DAPK2: variants seen among roughly 807,000 people sequenced by gnomAD.
The protein encoded by DAPK2 is death-associated protein kinase 2.
A neutral mutation model predicts 44.1 loss-of-function variants in DAPK2; 35 were observed. The observed-to-expected ratio is 0.79, with a 90% CI of 0.61 to 1.05. DAPK2 has a LOEUF of 1.05. DAPK2 is among the 50% of genes least tolerant of loss of function. The pLI, the probability that DAPK2 is intolerant of heterozygous loss-of-function variation, is 0.00. For missense variants in DAPK2, 453 were observed against 483.2 expected (o/e 0.94, Z 0.59); for synonymous variants, 174 against 182.6 (o/e 0.95, Z 0.38).
intron 6 of DAPK2, among the ~76,000 whole-genome samples, chr15:63,926,737 G>T (rs2079287646): frequency 6.6e-6 from 1 of 152,202 alleles, no homozygotes; most frequent in Non-Finnish European, 1.5e-5. Flanking sequence ...ATCCAGCAGT[G>T]TCTGGATCAG....
intron 4 of DAPK2, among the ~76,000 whole-genome samples, chr15:63,936,917 C>A (rs2077172222): frequency 6.7e-6 from 1 of 148,418 alleles, no homozygotes; most frequent in African/African-American, 2.5e-5. Context: ...GACATTGAAT[C>A]TGCAGTGAGG....
At chr15:63,944,115 G>A (rs775764140) in intron 3 of DAPK2, among the ~76,000 whole-genome samples, 14 of 152,100 alleles carry the variant, frequency 9.2e-5, no homozygotes, top group East Asian at 5.8e-4. Context: ...ATGAGAAAAC[G>A]GAGGTCCTGG....
Position 63,912,259 on chromosome 15 carries a change from G to C in DAPK2, c.859-62C>G. The C allele has an allele frequency of 5.2e-6, 8 of 1,535,910 alleles. No individual in the cohort carries two copies. In the South Asian group the frequency reaches 9.1e-5, roughly 17 times the overall value. On this transcript the variant is annotated intron_variant, in intron 8 of 10. Coordinates refer to ENST00000261891, the Ensembl canonical transcript of DAPK2. This position sits in a 1 kb window ranked among gnomAD's most constrained non-coding sequence, Gnocchi z 4.4. ...GCTTCAGACAGCAGCCACCCTCCTCGCCGCAGAACTCCCCACCCACCGCAT... is the reference window on the plus strand; with the variant it reads ...GCTTCAGACAGCAGCCACCCTCCTCCCCGCAGAACTCCCCACCCACCGCAT...
intron 1 of DAPK2, among the ~76,000 whole-genome samples, chr15:64,010,523 A>G (rs913134717): frequency 1.3e-5 from 2 of 152,098 alleles, no homozygotes; most frequent in South Asian, 2.1e-4. Context: ...TGATCCCTAC[A>G]TTTGTCTCTC....
chr15:63,984,226 G>C (rs2078609654), intron 1 of DAPK2, among the ~76,000 whole-genome samples: 1 of 152,168 alleles, frequency 6.6e-6, no homozygotes, highest in Non-Finnish European at 1.5e-5. Flanking sequence ...GGTATAAACA[G>C]AGAGTTGTAC....
intron 1 of DAPK2, among the ~76,000 whole-genome samples, chr15:64,034,440 C>G (rs8027855): frequency 0.2 from 30,475 of 152,080 alleles, 3,123 homozygotes; most frequent in South Asian, 0.25. Flanking sequence ...CCTTCCCCCG[C>G]CGAAGTCTCT....
At chr15:64,019,140 T>G (rs1381138473) in intron 1 of DAPK2, among the ~76,000 whole-genome samples, 1 of 152,202 alleles carries the variant, frequency 6.6e-6, no homozygotes, top group Non-Finnish European at 1.5e-5. Flanking sequence ...CCTCCAGAAC[T>G]GATTGCTCCC....
intron 1 of DAPK2, among the ~76,000 whole-genome samples, chr15:64,016,241 C>T (rs968288658): frequency 6.6e-6 from 1 of 152,240 alleles, no homozygotes; most frequent in Non-Finnish European, 1.5e-5. Flanking sequence ...TCTCCAGCAC[C>T]TTCCACACCT....
At chr15:63,977,929 G>A (rs2078398107) in intron 2 of DAPK2, among the ~76,000 whole-genome samples, 1 of 152,194 alleles carries the variant, frequency 6.6e-6, no homozygotes, top group African/African-American at 2.4e-5. Flanking sequence ...AAAATGGAAA[G>A]GCTCAAAGCA....
chr15:64,027,405 A>AC (rs951411549), intron 1 of DAPK2, among the ~76,000 whole-genome samples: 13 of 151,846 alleles, frequency 8.6e-5, no homozygotes, highest in East Asian at 5.8e-4. Context: ...ACAAAACAAA[A>AC]AAAAAACCCC....
At chr15:64,042,768 C>T (rs1252203059), upstream of DAPK2, among the ~76,000 whole-genome samples, 3 of 152,228 alleles carry the variant, frequency 2.0e-5, no homozygotes, top group South Asian at 2.1e-4. This position sits in a 1 kb window ranked among gnomAD's most constrained non-coding sequence, Gnocchi z 4.7. Flanking sequence ...TGCTATATCT[C>T]GGCTGAAGTG....
chr15:63,992,283 G>C (rs1567258505), intron 1 of DAPK2, among the ~76,000 whole-genome samples: 1 of 152,084 alleles, frequency 6.6e-6, no homozygotes, highest in Non-Finnish European at 1.5e-5. Flanking sequence ...CTAGAGTCTA[G>C]ATTCTAGACA....
Position 63,908,299 on chromosome 15 carries a change from T to C in DAPK2, c.*221A>G. The C allele has an allele frequency of 2.5e-6, 1 of 395,212 alleles. No individual in the cohort carries two copies. Among genetic ancestry groups the C allele is most frequent in the Non-Finnish European group, 4.5e-6 (1 of 222,354 alleles). The allele number at this position is 395,212 out of a possible 1,614,324, so 24.5% of individuals were successfully genotyped here. On this transcript the variant is annotated 3_prime_UTR_variant, in exon 11 of 11. Coordinates refer to ENST00000261891, the Ensembl canonical transcript of DAPK2. The surrounding 1 kb of genome is among the most constrained non-coding windows in gnomAD (Gnocchi z 5.7). ...AGAGGAAAGCCCATTTTATGGAGAATTAAGAGCTTTGGGAATGCTGGAGCC... is the reference window on the plus strand; with the variant it reads ...AGAGGAAAGCCCATTTTATGGAGAACTAAGAGCTTTGGGAATGCTGGAGCC...
chr15:63,964,660 G>T (rs183991203), intron 3 of DAPK2, among the ~76,000 whole-genome samples: 40 of 151,508 alleles, frequency 2.6e-4, no homozygotes, highest in African/African-American at 9.4e-4. Flanking sequence ...TCTCCTCTGT[G>T]TATTTTCGAA....
At chr15:64,033,018 G>A (rs1007486111) in intron 1 of DAPK2, among the ~76,000 whole-genome samples, 4 of 152,168 alleles carry the variant, frequency 2.6e-5, no homozygotes, top group Admixed American at 1.3e-4. Flanking sequence ...CCCAGGAGGT[G>A]GAGGTTGCAG....
intron 1 of DAPK2, among the ~76,000 whole-genome samples, chr15:64,014,056 C>T (rs956590954): frequency 5.9e-5 from 9 of 152,240 alleles, no homozygotes; most frequent in African/African-American, 2.2e-4. Flanking sequence ...TGTTTATCTA[C>T]TTGGTTTTCC....
At chr15:63,995,513 G>T (rs1360217998) in intron 1 of DAPK2, among the ~76,000 whole-genome samples, 1 of 152,198 alleles carries the variant, frequency 6.6e-6, no homozygotes, top group African/African-American at 2.4e-5. Context: ...TCGCCTGCCT[G>T]TTACTTCAAT....
chr15:63,929,258 G>C (rs182031981), intron 6 of DAPK2, among the ~76,000 whole-genome samples: 2 of 152,098 alleles, frequency 1.3e-5, no homozygotes, highest in African/African-American at 2.4e-5. Flanking sequence ...ACCTCAGTCT[G>C]GGGGAGGGTG....
chr15:64,022,486 AAGAACTG>A (rs2079714086), intron 1 of DAPK2, among the ~76,000 whole-genome samples: 1 of 152,204 alleles, frequency 6.6e-6, no homozygotes, highest in African/African-American at 2.4e-5. Context: ...TACTTCCGTA[AAGAACTG>A]ACCACTTAAA....
Sources: allele counts gnomAD v4.1 joint callset (sites outside exome capture counted in the v4.1 genomes callset), GRCh38; gene constraint gnomAD v4.1.1; non-coding constraint Gnocchi (gnomAD v3.1); transcripts MANE v1.5; gene names NCBI Gene and HGNC (gene_info 2026-07-23, HGNC 2026-07-21).